Variants in AEBP2 observed in about 807,000 individuals in gnomAD.
AEBP2 encodes zinc finger protein AEBP2.
AEBP2 carries 10 observed loss-of-function variants against 50.8 expected under a neutral mutation model. The ratio of observed to expected loss-of-function variants is 0.20; its 90% CI spans 0.12 to 0.33. AEBP2 has a LOEUF of 0.33. Ranked by LOEUF, AEBP2 falls within the 10% of genes least tolerant of loss-of-function variation. The pLI is 1.00. For synonymous variants in AEBP2, 296 were observed against 261.3 expected (o/e 1.13, Z -1.28); for missense variants, 570 against 688.0 (o/e 0.83, Z 1.92).
At chr12:19,480,202 A>T (rs1948706800) in intron 3 of AEBP2, among the ~76,000 whole-genome samples, 1 of 152,140 alleles carries the variant, frequency 6.6e-6, no homozygotes, top group South Asian at 2.1e-4. Context: ...TCTTGGGTTC[A>T]AGCAATTCTG....
chr12:19,495,547 C>CTTTTTTTTTTTTTTTTTTT (rs35060511), intron 4 of AEBP2, among the ~76,000 whole-genome samples: 13 of 141,038 alleles, frequency 9.2e-5, no homozygotes, highest in Admixed American at 1.4e-4. Flanking sequence ...TTCATTCTTG[C>CTTTTTTTTTTTTTTTTTTT]TTTTTTTTTT....
In AEBP2 at chr12:19,503,139, G is replaced by C. The variant is rs75886579; in HGVS notation, c.1299+2918G>C. 7.6e-3 allele frequency among the ~76,000 whole-genome samples: 1,150 copies of C among 152,216 alleles called. 15 individuals carry two copies. Among genetic ancestry groups the C allele is most frequent in the African/African-American group, 0.026 (1,082 of 41,530 alleles). ...GTAATTCTGTGAAAAAATATTGGTAGCTTGATAGGAATAGCATTGAATCTG... is the reference window on the plus strand; with the variant it reads ...GTAATTCTGTGAAAAAATATTGGTACCTTGATAGGAATAGCATTGAATCTG... On this transcript the variant is annotated intron_variant, in intron 5 of 7. Transcript: ENST00000266508.
chr12:19,421,532 G>C (rs1454430258), intron 1 of AEBP2, among the ~76,000 whole-genome samples: 1 of 151,966 alleles, frequency 6.6e-6, no homozygotes, highest in Admixed American at 6.6e-5. Flanking sequence ...TGAGGTGGGA[G>C]AGTCATTTGA....
chr12:19,410,731 C>T (rs2095738811), intron 1 of AEBP2, among the ~76,000 whole-genome samples: 1 of 152,134 alleles, frequency 6.6e-6, no homozygotes, highest in Non-Finnish European at 1.5e-5. Context: ...CTATCTAGGA[C>T]CTGTTTCCCA....
chr12:19,466,488 A>G (rs1358187420), intron 2 of AEBP2, among the ~76,000 whole-genome samples: 4 of 152,196 alleles, frequency 2.6e-5, no homozygotes, highest in Non-Finnish European at 4.4e-5. Context: ...TGTATAGTTC[A>G]GGGGCTTTAA....
intron 4 of AEBP2, among the ~76,000 whole-genome samples, chr12:19,495,038 T>G (rs990159852): frequency 9.2e-5 from 14 of 152,156 alleles, no homozygotes; most frequent in Non-Finnish European, 1.5e-4. Context: ...TCCGAGCAGC[T>G]GGGATTACAG....
rs188403022 is a variant in AEBP2 at position 19,442,322 on chromosome 12, C to T, written c.671+1952C>T. On this transcript the variant is annotated intron_variant, in intron 1 of 7. Transcript: ENST00000266508. Reference sequence around the variant, plus strand: ...ACTCGGGAGGCTGAGGCAGGAGAATCGCTTGAACCCGGGAGGCAGAGGTTG... The same window carrying T: ...ACTCGGGAGGCTGAGGCAGGAGAATTGCTTGAACCCGGGAGGCAGAGGTTG... Among the ~76,000 whole-genome samples the T allele has an allele frequency of 1.9e-3, 284 of 152,184 alleles. 1 individual carries two copies. The highest frequency in any genetic ancestry group is 6.5e-3 in the African/African-American group (270 of 41,520).
At chr12:19,430,889 G>A (rs2095751064) in intron 1 of AEBP2, among the ~76,000 whole-genome samples, 1 of 151,946 alleles carries the variant, frequency 6.6e-6, no homozygotes, top group South Asian at 2.1e-4. Flanking sequence ...TGGGTGTGAT[G>A]GCGCATTCCT....
chr12:19,518,153 G>T lies in AEBP2; in HGVS notation c.*36G>T, dbSNP rs1949346613. ...AATACATAAAAAGCAAACAAGCGGG[G>T]ACACCTGCAGTCTTAGTCACTGACA... On this transcript the variant is annotated 3_prime_UTR_variant, in exon 8 of 8. Transcript: ENST00000266508. The T allele has an allele frequency of 6.4e-7, 1 of 1,573,912 alleles. No individual in the cohort carries two copies. Among genetic ancestry groups the T allele is most frequent in the Admixed American group, 1.8e-5 (1 of 55,490 alleles).
chr12:19,507,502 A>G (rs1477400765), intron 5 of AEBP2, among the ~76,000 whole-genome samples: 3 of 152,236 alleles, frequency 2.0e-5, no homozygotes, highest in Non-Finnish European at 2.9e-5. Context: ...CTTTTGAGCT[A>G]TGGAAAACAT....
At chr12:19,474,188 C>G (rs1948614724) in intron 3 of AEBP2, among the ~76,000 whole-genome samples, 1 of 152,128 alleles carries the variant, frequency 6.6e-6, no homozygotes, top group African/African-American at 2.4e-5. Flanking sequence ...GAGCAAGTTT[C>G]TGTAAAAATC....
chr12:19,509,451 A>G (rs972111711), intron 5 of AEBP2, among the ~76,000 whole-genome samples: 6 of 152,188 alleles, frequency 3.9e-5, no homozygotes, highest in Non-Finnish European at 2.9e-5. Flanking sequence ...ATATATGATT[A>G]AAAGTGAAGT....
In AEBP2 at chr12:19,459,228, T is replaced by C. The variant is rs1476904833; in HGVS notation, c.672-3282T>C. 3.9e-5 allele frequency among the ~76,000 whole-genome samples: 6 copies of C among 152,144 alleles called. No individual in the cohort carries two copies. In the East Asian group the frequency reaches 1.2e-3, roughly 29 times the overall value. Reference sequence around the variant, plus strand: ...GTTAAGGGCCTCATGAAACTTGAAATTTCTTTTTTTTTCTTTTTTTTGAGA... The same window carrying C: ...GTTAAGGGCCTCATGAAACTTGAAACTTCTTTTTTTTTCTTTTTTTTGAGA... On this transcript the variant is annotated intron_variant, in intron 1 of 7. Coordinates refer to ENST00000266508, the MANE Select transcript of AEBP2 (RefSeq NM_153207.5).
intron 4 of AEBP2, among the ~76,000 whole-genome samples, chr12:19,494,741 T>C (rs11044613): frequency 0.022 from 3,276 of 152,116 alleles, 42 homozygotes; most frequent in East Asian, 0.043. Flanking sequence ...AACATATGTA[T>C]AATGTTTATG....
intron 1 of AEBP2, chr12:19,440,574 C>T (rs1202917878): frequency 3.5e-6 from 5 of 1,416,244 alleles, no homozygotes; most frequent in Middle Eastern, 2.6e-4. Context: ...TCAAACCGTT[C>T]CCCCCCAACT....
At chr12:19,451,201 A>T (rs904226814) in intron 1 of AEBP2, among the ~76,000 whole-genome samples, 1 of 152,166 alleles carries the variant, frequency 6.6e-6, no homozygotes, top group Non-Finnish European at 1.5e-5. Flanking sequence ...TTATGAATCT[A>T]TGATTTGGGC....
rs924401332 is a variant in AEBP2 at position 19,440,439 on chromosome 12, A to G, written c.671+69A>G. 11 of 1,436,760 alleles carry G rather than the reference A, an allele frequency of 7.7e-6. No homozygotes were observed. In the Admixed American group the frequency reaches 3.0e-4, roughly 39 times the overall value. 89.0% of individuals were successfully genotyped at this position (1,436,760 alleles called of 1,614,324 possible). On this transcript the variant is annotated intron_variant, in intron 1 of 7. Transcript: ENST00000266508. ...CTCCCGGGCCCCTCAGAGGGGGACCAAGGCGACGTTTTGCCGCGATCCCCC... is the reference window on the plus strand; with the variant it reads ...CTCCCGGGCCCCTCAGAGGGGGACCGAGGCGACGTTTTGCCGCGATCCCCC...
At chr12:19,420,057 T>G (rs1288480753) in intron 1 of AEBP2, among the ~76,000 whole-genome samples, 7 of 150,596 alleles carry the variant, frequency 4.6e-5, no homozygotes, top group African/African-American at 1.7e-4. Context: ...GAGTTTTGCT[T>G]TTGTCGCCCA....
intron 1 of AEBP2, among the ~76,000 whole-genome samples, chr12:19,422,604 C>G (rs1391172220): frequency 1.3e-5 from 2 of 151,894 alleles, no homozygotes; most frequent in Non-Finnish European, 2.9e-5. Flanking sequence ...TCAAGCGATT[C>G]TCCTGCCTCA....
Sources: allele counts gnomAD v4.1 joint callset (sites outside exome capture counted in the v4.1 genomes callset), GRCh38; gene constraint gnomAD v4.1.1; transcripts MANE v1.5; gene names NCBI Gene and HGNC (gene_info 2026-07-23, HGNC 2026-07-21).